RPS6KC1: variants seen among roughly 807,000 people sequenced by gnomAD.
RPS6KC1 encodes ribosomal protein S6 kinase C1, also known as inactive ribosomal protein S6 kinase delta-1.
In RPS6KC1, 54 loss-of-function variants were observed where a neutral mutation model predicts 103.8. The observed-to-expected ratio is 0.52, with a 90% CI of 0.42 to 0.65. RPS6KC1 has a LOEUF of 0.65. RPS6KC1 is among the 30% of genes least tolerant of loss of function. The probability of loss-of-function intolerance (pLI) is 0.00; values close to 1 mark genes in which losing one functional copy is unlikely to be tolerated. For missense variants in RPS6KC1, 1,151 were observed against 1,253.8 expected (o/e 0.92, Z 1.24); for synonymous variants, 439 against 438.7 (o/e 1.00, Z -0.01).
intron 8 of RPS6KC1, among the ~76,000 whole-genome samples, chr1:213,202,495 C>G (rs2093200095): frequency 6.6e-6 from 1 of 151,984 alleles, no homozygotes; most frequent in South Asian, 2.1e-4. Flanking sequence ...TGCCTGTAAT[C>G]CCAGCTACTT....
the RPS6KC1 span, among the ~76,000 whole-genome samples, chr1:213,607,739 A>G: frequency 1.3e-5 from 2 of 150,506 alleles, no homozygotes; most frequent in African/African-American, 4.9e-5. Flanking sequence ...AATAAATAAA[A>G]AAGAGGTAGC....
the RPS6KC1 span, among the ~76,000 whole-genome samples, chr1:213,509,778 A>G: frequency 1.3e-5 from 2 of 152,378 alleles, no homozygotes; most frequent in Non-Finnish European, 2.9e-5. Flanking sequence ...ATGCTAGCAT[A>G]TGAAAATAAT....
the RPS6KC1 span, among the ~76,000 whole-genome samples, chr1:213,745,121 T>G: frequency 6.6e-6 from 1 of 152,244 alleles, no homozygotes; most frequent in East Asian, 1.9e-4. Context: ...GTAAGGTCAT[T>G]AGAACTCTTC....
chr1:213,387,167 C>A, the RPS6KC1 span, among the ~76,000 whole-genome samples: 1 of 152,178 alleles, frequency 6.6e-6, no homozygotes, highest in Admixed American at 6.5e-5. Flanking sequence ...TCAGGGTATC[C>A]CAGACAAAGC....
At chr1:213,259,010 C>A (rs1438662670) in intron 12 of RPS6KC1, among the ~76,000 whole-genome samples, 4 of 152,142 alleles carry the variant, frequency 2.6e-5, no homozygotes, top group Non-Finnish European at 2.9e-5. Context: ...TCAGCTCTAA[C>A]CCTCATGTTA....
At chr1:213,649,688 T>C in the RPS6KC1 span, among the ~76,000 whole-genome samples, 1 of 152,286 alleles carries the variant, frequency 6.6e-6, no homozygotes, top group South Asian at 2.1e-4. Context: ...TCCACGTTGT[T>C]GTGCTTTTCT....
At chr1:213,745,544 C>T in the RPS6KC1 span, among the ~76,000 whole-genome samples, 238 of 152,136 alleles carry the variant, frequency 1.6e-3, 2 homozygotes, top group African/African-American at 5.4e-3. Flanking sequence ...TTTCAAACAC[C>T]GGCATTGATC....
chr1:213,687,515 A>G, the RPS6KC1 span, among the ~76,000 whole-genome samples: 1 of 152,270 alleles, frequency 6.6e-6, no homozygotes, highest in African/African-American at 2.4e-5. Context: ...ATTTACATTT[A>G]TATTATACAA....
the RPS6KC1 span, among the ~76,000 whole-genome samples, chr1:213,584,530 A>T: frequency 6.6e-6 from 1 of 152,246 alleles, no homozygotes; most frequent in Non-Finnish European, 1.5e-5. Context: ...GGTGCAGAGA[A>T]AAATGACACC....
At chr1:213,275,558 T>C (rs1323571437), downstream of RPS6KC1, among the ~76,000 whole-genome samples, 1 of 152,222 alleles carries the variant, frequency 6.6e-6, no homozygotes, top group East Asian at 1.9e-4. Context: ...ATGGACCTTT[T>C]CAACTTGTTA....
At chr1:213,466,609 C>T in the RPS6KC1 span, among the ~76,000 whole-genome samples, 2 of 152,182 alleles carry the variant, frequency 1.3e-5, no homozygotes, top group Non-Finnish European at 2.9e-5. Flanking sequence ...ATGCTTCATG[C>T]AGAGAAATGA....
chr1:213,785,080 A>G, the RPS6KC1 span, among the ~76,000 whole-genome samples: 1 of 152,214 alleles, frequency 6.6e-6, no homozygotes, highest in Non-Finnish European at 1.5e-5. Flanking sequence ...AAATAAGCCA[A>G]ACACACTTGA....
At chr1:213,406,942 G>T in the RPS6KC1 span, among the ~76,000 whole-genome samples, 9 of 152,176 alleles carry the variant, frequency 5.9e-5, no homozygotes, top group Admixed American at 3.3e-4. Flanking sequence ...GTCACATAGG[G>T]CTGGGACTTT....
intron 10 of RPS6KC1, among the ~76,000 whole-genome samples, chr1:213,233,806 T>C (rs996064546): frequency 3.9e-5 from 6 of 152,208 alleles, no homozygotes; most frequent in Admixed American, 6.5e-5. Context: ...TGACTTTGAA[T>C]GCTCACATGA....
chr1:213,756,532 T>C, the RPS6KC1 span, among the ~76,000 whole-genome samples: 1 of 152,238 alleles, frequency 6.6e-6, no homozygotes, highest in Non-Finnish European at 1.5e-5. Context: ...ATCAGCACCA[T>C]ATTTTCAACA....
At chr1:213,396,608 G>GGAGC in the RPS6KC1 span, among the ~76,000 whole-genome samples, 2 of 152,208 alleles carry the variant, frequency 1.3e-5, no homozygotes, top group Non-Finnish European at 2.9e-5. Flanking sequence ...TTTGTGTGGT[G>GGAGC]GAGCCTGTTA....
the RPS6KC1 span, among the ~76,000 whole-genome samples, chr1:213,332,307 C>T: frequency 1.3e-5 from 2 of 152,196 alleles, no homozygotes; most frequent in Non-Finnish European, 2.9e-5. Flanking sequence ...GTGTACCCTC[C>T]CTGGAGATAT....
chr1:213,109,556 G>GT (rs200911939), intron 4 of RPS6KC1, among the ~76,000 whole-genome samples: 3,628 of 150,862 alleles, frequency 0.024, 70 homozygotes, highest in African/African-American at 0.053. Context: ...GAATTAAACT[G>GT]TTTTTTTTTC....
intron 8 of RPS6KC1, among the ~76,000 whole-genome samples, chr1:213,216,055 A>C (rs1446205962): frequency 6.6e-6 from 1 of 152,246 alleles, no homozygotes; most frequent in Admixed American, 6.5e-5. Context: ...AAATGGGCTA[A>C]ATGCTCAATT....
Sources: allele counts gnomAD v4.1 joint callset (sites outside exome capture counted in the v4.1 genomes callset), GRCh38; gene constraint gnomAD v4.1.1; transcripts MANE v1.5; gene names NCBI Gene and HGNC (gene_info 2026-07-23, HGNC 2026-07-21).